Variants in LEPR observed in about 807,000 individuals in gnomAD.
LEPR encodes the protein leptin receptor, also known as OB receptor.
Under a neutral mutation model 114.7 loss-of-function variants are expected in LEPR, and 56 were observed. The observed-to-expected ratio is 0.49, with a 90% CI of 0.39 to 0.61. The LOEUF (loss-of-function observed/expected upper bound fraction) is 0.61. LEPR is among the 20% of genes least tolerant of loss of function. The pLI is 0.00. For missense variants in LEPR, 1,202 were observed against 1,352.9 expected (o/e 0.89, Z 1.75); for synonymous variants, 443 against 461.4 (o/e 0.96, Z 0.51).
chr1:65,632,015 G>C (rs919884617), intron 19 of LEPR, among the ~76,000 whole-genome samples: 1 of 152,074 alleles, frequency 6.6e-6, no homozygotes, highest in African/African-American at 2.4e-5. Context: ...ATTTATGCCA[G>C]CTTTCACAAG....
chr1:65,596,355 A>T, intron 6 of LEPR, 93 bp from the exon 7 acceptor site: 2 of 1,496,864 alleles, frequency 1.3e-6, no homozygotes, highest in South Asian at 1.2e-5. Context: ...GAAAGGCAAG[A>T]TATGATGAAA....
At chr1:65,502,873 G>T (rs779049006) in intron 2 of LEPR, among the ~76,000 whole-genome samples, 31 of 151,478 alleles carry the variant, frequency 2.0e-4, no homozygotes, top group Non-Finnish European at 4.3e-4. Context: ...ATGTCAGAGA[G>T]AATGGGGGTG....
intron 2 of LEPR, among the ~76,000 whole-genome samples, chr1:65,482,131 C>CACAT (rs1647261231): frequency 1.3e-5 from 2 of 151,612 alleles, no homozygotes; most frequent in Admixed American, 6.6e-5. Context: ...CATACACACA[C>CACAT]ACACACACAC....
intron 11 of LEPR, among the ~76,000 whole-genome samples, chr1:65,608,369 T>C (rs1178059505): frequency 6.6e-6 from 1 of 152,038 alleles, no homozygotes; most frequent in Non-Finnish European, 1.5e-5. Context: ...TAGCTGGGAC[T>C]ACAGGCGCCC....
At chr1:65,515,746 A>C (rs1318928003) in intron 2 of LEPR, among the ~76,000 whole-genome samples, 1 of 152,236 alleles carries the variant, frequency 6.6e-6, no homozygotes, top group African/African-American at 2.4e-5. Flanking sequence ...TGAGTAGACT[A>C]TCGTATTGTA....
intron 2 of LEPR, among the ~76,000 whole-genome samples, chr1:65,472,733 A>G (rs1438844136): frequency 1.3e-5 from 2 of 151,962 alleles, no homozygotes; most frequent in Non-Finnish European, 2.9e-5. Context: ...GTGTGCACCA[A>G]CCTGGGGTTG....
At chr1:65,483,685 T>C (rs1324316916) in intron 2 of LEPR, among the ~76,000 whole-genome samples, 1 of 152,206 alleles carries the variant, frequency 6.6e-6, no homozygotes, top group East Asian at 1.9e-4. Context: ...CCTCAGTCCT[T>C]GGAAGTATTT....
intron 2 of LEPR, among the ~76,000 whole-genome samples, chr1:65,554,498 C>A (rs1652665869): frequency 6.6e-6 from 1 of 152,106 alleles, no homozygotes; most frequent in African/African-American, 2.4e-5. Flanking sequence ...TTCCCAGAGA[C>A]CTTGTTTACA....
chr1:65,514,461 A>G (rs1182839311), intron 2 of LEPR, among the ~76,000 whole-genome samples: 1 of 152,206 alleles, frequency 6.6e-6, no homozygotes, highest in African/African-American at 2.4e-5. Context: ...TTTCCTCCCA[A>G]TTATTTTAGT....
intron 2 of LEPR, among the ~76,000 whole-genome samples, chr1:65,493,308 C>T (rs1647976550): frequency 6.6e-6 from 1 of 151,886 alleles, no homozygotes; most frequent in Non-Finnish European, 1.5e-5. Flanking sequence ...CTTTGGTTTT[C>T]CTACTTGTTC....
At chr1:65,433,385 T>C in intron 2 of LEPR, 1 of 985,446 alleles carries the variant, frequency 1.0e-6, no homozygotes, top group Non-Finnish European at 1.2e-6. Flanking sequence ...TGTTGGATCC[T>C]GTAATCACAG....
chr1:65,582,350 A>C (rs1004880432), intron 5 of LEPR, among the ~76,000 whole-genome samples: 2 of 152,134 alleles, frequency 1.3e-5, no homozygotes, highest in African/African-American at 4.8e-5. Flanking sequence ...TCAAGGTTCA[A>C]CTTCAGGAGG....
chr1:65,463,641 C>A (rs563204708), intron 2 of LEPR, among the ~76,000 whole-genome samples: 1 of 152,250 alleles, frequency 6.6e-6, no homozygotes, highest in South Asian at 2.1e-4. Context: ...GATATTGATT[C>A]TTCCTTTCCA....
At chr1:65,448,853 G>A (rs558099576) in intron 2 of LEPR, among the ~76,000 whole-genome samples, 69 of 152,234 alleles carry the variant, frequency 4.5e-4, no homozygotes, top group Admixed American at 1.5e-3. Flanking sequence ...GTTAGTGTCC[G>A]TGGGATCTGT....
At chr1:65,572,049 T>A (rs1654221277) in intron 4 of LEPR, among the ~76,000 whole-genome samples, 1 of 150,964 alleles carries the variant, frequency 6.6e-6, no homozygotes, top group African/African-American at 2.4e-5. Flanking sequence ...TTGTCCTATT[T>A]AAGTGGTTTG....
chr1:65,584,335 CT>C (rs1337363801), intron 5 of LEPR, among the ~76,000 whole-genome samples: 1 of 152,020 alleles, frequency 6.6e-6, no homozygotes, highest in African/African-American at 2.4e-5. Context: ...TTCTAGCCCT[CT>C]CTGTGTGCAG....
chr1:65,613,852 C>T (rs1177426856), intron 14 of LEPR, among the ~76,000 whole-genome samples: 2 of 147,362 alleles, frequency 1.4e-5, no homozygotes, highest in Non-Finnish European at 3.0e-5. Flanking sequence ...AAAAGATGTT[C>T]AACATCATTC....
At chr1:65,537,988 G>A (rs1178928897) in intron 2 of LEPR, among the ~76,000 whole-genome samples, 1 of 152,048 alleles carries the variant, frequency 6.6e-6, no homozygotes, top group Non-Finnish European at 1.5e-5. Context: ...TTTAATTCTA[G>A]CATTTGCTAA....
intron 5 of LEPR, among the ~76,000 whole-genome samples, chr1:65,580,317 A>G (rs943048090): frequency 6.6e-6 from 1 of 152,222 alleles, no homozygotes; most frequent in East Asian, 1.9e-4. Context: ...AAAATCCATA[A>G]TGGTGATTAC....
Sources: gnomAD v4.1 joint callset for allele counts (sites outside exome capture counted in the v4.1 genomes callset) on GRCh38, gnomAD v4.1.1 for gene constraint, MANE v1.5 for transcripts, NCBI Gene and HGNC (gene_info 2026-07-23, HGNC 2026-07-21) for gene names.